PRKG1: variants seen among roughly 807,000 people sequenced by gnomAD.
PRKG1 encodes the protein cGMP-dependent protein kinase 1.
PRKG1 carries 35 observed loss-of-function variants against 88.1 expected under a neutral mutation model. The observed-to-expected ratio is 0.40, with a 90% CI of 0.30 to 0.53. The LOEUF (loss-of-function observed/expected upper bound fraction) is 0.53, where lower values mean the gene tolerates loss of function less well. PRKG1 is among the 20% of genes least tolerant of loss of function. The pLI, the probability that PRKG1 is intolerant of heterozygous loss-of-function variation, is 0.59. For synonymous variants in PRKG1, 303 were observed against 292.5 expected (o/e 1.04, Z -0.37); for missense variants, 540 against 839.8 (o/e 0.64, Z 4.41).
At chr10:52,154,686 T>G (rs1838040842) in intron 8 of PRKG1, among the ~76,000 whole-genome samples, 1 of 152,198 alleles carries the variant, frequency 6.6e-6, no homozygotes, top group Non-Finnish European at 1.5e-5. Flanking sequence ...ACAGGTGGTT[T>G]TTGGTTACAT....
intron 2 of PRKG1, among the ~76,000 whole-genome samples, chr10:51,227,143 T>C (rs1370874780): frequency 6.7e-6 from 1 of 150,004 alleles, no homozygotes; most frequent in Non-Finnish European, 1.5e-5. Context: ...ATATATATTA[T>C]AAATATATAT....
chr10:51,542,571 T>G (rs185928739), intron 3 of PRKG1, among the ~76,000 whole-genome samples: 4 of 152,340 alleles, frequency 2.6e-5, no homozygotes, highest in African/African-American at 9.6e-5. Context: ...ATCTTTGTTT[T>G]TAACTCCATG....
rs1000801682 is a variant in PRKG1 at position 52,224,835 on chromosome 10, A to G, written c.1077-26735A>G. On this transcript the variant is annotated intron_variant, in intron 9 of 17. Coordinates refer to ENST00000373980, the MANE Select transcript of PRKG1 (RefSeq NM_006258.4). ...TATATATATATATATATATATATAT[A>G]TATACATACATACATACATATCTCA... Among the ~76,000 whole-genome samples, 30 of 141,528 alleles carry G rather than the reference A, an allele frequency of 2.1e-4. 2 individuals carry two copies. The highest frequency in any genetic ancestry group is 7.6e-4 in the African/African-American group (29 of 38,142). The allele number at this position is 141,528 out of a possible 152,430, so 92.8% of individuals were successfully genotyped here.
chr10:52,110,952 C>A (rs1283249079), intron 7 of PRKG1, among the ~76,000 whole-genome samples: 1 of 152,146 alleles, frequency 6.6e-6, no homozygotes, highest in East Asian at 1.9e-4. Context: ...ACCTAACTAA[C>A]CATGGCCAAG....
chr10:51,529,873 C>T (rs1841976095), intron 3 of PRKG1, among the ~76,000 whole-genome samples: 2 of 152,182 alleles, frequency 1.3e-5, no homozygotes. Flanking sequence ...CGGAGTTTGT[C>T]ACTTTATAAT....
At chr10:51,173,579 A>G (rs1030088778) in intron 2 of PRKG1, among the ~76,000 whole-genome samples, 3 of 152,080 alleles carry the variant, frequency 2.0e-5, no homozygotes, top group Non-Finnish European at 4.4e-5. Flanking sequence ...TCCTAAGGAA[A>G]TAAAAGAAAA....
chr10:52,018,177 C>T (rs1333774588), intron 5 of PRKG1, among the ~76,000 whole-genome samples: 1 of 152,144 alleles, frequency 6.6e-6, no homozygotes, highest in Non-Finnish European at 1.5e-5. Flanking sequence ...AACCTATTAA[C>T]AGCTCATAAA....
At chr10:51,921,961 G>T (rs1842472489) in intron 5 of PRKG1, among the ~76,000 whole-genome samples, 1 of 151,774 alleles carries the variant, frequency 6.6e-6, no homozygotes, top group Non-Finnish European at 1.5e-5. Flanking sequence ...CTCCTATTTG[G>T]TGAACCAGAA....
chr10:52,067,431 A>G (rs937526794), intron 7 of PRKG1, among the ~76,000 whole-genome samples: 2 of 152,228 alleles, frequency 1.3e-5, no homozygotes, highest in African/African-American at 4.8e-5. Context: ...CATAAATACT[A>G]GTACTGATTA....
intron 5 of PRKG1, among the ~76,000 whole-genome samples, chr10:51,916,992 G>A (rs550941266): frequency 7.8e-4 from 119 of 152,256 alleles, no homozygotes; most frequent in Non-Finnish European, 2.9e-5. Flanking sequence ...AAGTAAATTA[G>A]TGAAGGAGGA....
At chr10:52,264,886 A>G (rs1332365593) in intron 10 of PRKG1, among the ~76,000 whole-genome samples, 8 of 151,990 alleles carry the variant, frequency 5.3e-5, no homozygotes, top group African/African-American at 1.9e-4. Context: ...AGAGAATATG[A>G]ACATAAATGT....
At chr10:51,167,731 A>G (rs1157141422) in intron 2 of PRKG1, among the ~76,000 whole-genome samples, 1 of 152,136 alleles carries the variant, frequency 6.6e-6, no homozygotes, top group Non-Finnish European at 1.5e-5. Flanking sequence ...TAAATTAGGA[A>G]TGACTTGTAT....
intron 5 of PRKG1, among the ~76,000 whole-genome samples, chr10:52,036,957 C>T (rs1845630439): frequency 6.6e-6 from 1 of 152,266 alleles, no homozygotes; most frequent in Non-Finnish European, 1.5e-5. Flanking sequence ...TTACCTTCCA[C>T]TGTGAGAGTT....
intron 5 of PRKG1, among the ~76,000 whole-genome samples, chr10:51,992,426 A>T (rs780872739): frequency 5.9e-5 from 9 of 151,968 alleles, no homozygotes; most frequent in Non-Finnish European, 1.0e-4. Context: ...AGAGGGAGGG[A>T]TTATTTTATT....
intron 3 of PRKG1, among the ~76,000 whole-genome samples, chr10:51,777,637 A>C (rs939032563): frequency 2.0e-5 from 3 of 152,144 alleles, no homozygotes; most frequent in Admixed American, 6.6e-5. Context: ...CCAAGAGTCC[A>C]TAGTTTACAC....
intron 1 of PRKG1, among the ~76,000 whole-genome samples, chr10:51,002,534 G>T (rs1842900378): frequency 6.6e-6 from 1 of 152,208 alleles, no homozygotes; most frequent in Admixed American, 6.5e-5. Context: ...TTAGGGTAAA[G>T]AGTAGTCTGG....
intron 4 of PRKG1, among the ~76,000 whole-genome samples, chr10:51,834,956 CAT>C (rs981154831): frequency 2.6e-5 from 4 of 151,996 alleles, no homozygotes; most frequent in African/African-American, 9.7e-5. Flanking sequence ...TGTATAAAGA[CAT>C]ATTGTCTGTA....
chr10:51,619,477 A>G (rs1247878778), intron 3 of PRKG1, among the ~76,000 whole-genome samples: 1 of 152,186 alleles, frequency 6.6e-6, no homozygotes, highest in African/African-American at 2.4e-5. Flanking sequence ...TCTGCCAAAT[A>G]AGAAAGAGGA....
chr10:51,243,655 A>T (rs914169668), intron 2 of PRKG1, among the ~76,000 whole-genome samples: 3 of 152,168 alleles, frequency 2.0e-5, no homozygotes, highest in Non-Finnish European at 4.4e-5. Context: ...CCATCATGGC[A>T]TGGGCAGTTT....
Sources: gnomAD v4.1 joint callset for allele counts (sites outside exome capture counted in the v4.1 genomes callset) on GRCh38, gnomAD v4.1.1 for gene constraint, MANE v1.5 for transcripts, NCBI Gene and HGNC (gene_info 2026-07-23, HGNC 2026-07-21) for gene names.